PRTN3: variants seen among roughly 807,000 people sequenced by gnomAD.
PRTN3 encodes the protein myeloblastin.
PRTN3 carries 22 observed loss-of-function variants against 20.7 expected under a neutral mutation model. The ratio of observed to expected loss-of-function variants is 1.06; its 90% CI spans 0.76 to 1.52. PRTN3 has a LOEUF of 1.52. PRTN3 is among the 40% of genes most tolerant of loss of function. The pLI, the probability that PRTN3 is intolerant of heterozygous loss-of-function variation, is 0.00. For missense variants in PRTN3, 378 were observed against 359.6 expected (o/e 1.05, Z -0.41); for synonymous variants, 173 against 152.9 (o/e 1.13, Z -0.97).
At chr19:845,877 T>C (rs1222510880) in intron 3 of PRTN3, among the ~76,000 whole-genome samples, 2 of 151,250 alleles carry the variant, frequency 1.3e-5, no homozygotes, top group Admixed American at 6.6e-5. Flanking sequence ...ATGGGATGGC[T>C]CCGGGAGGTT....
At chr19:841,421 T>G (rs1316811192) in intron 1 of PRTN3, among the ~76,000 whole-genome samples, 1 of 152,002 alleles carries the variant, frequency 6.6e-6, no homozygotes, top group Non-Finnish European at 1.5e-5. Flanking sequence ...AATGAGTGAA[T>G]GAATGAGTGA....
rs1333833594 is a variant in PRTN3, at chr19:847,987, G to C, written c.*18G>C. 1.3e-6 allele frequency: 2 copies of C among 1,584,826 alleles called. No individual in the cohort carries two copies. The highest frequency in any genetic ancestry group is 1.7e-6 in the Non-Finnish European group (2 of 1,166,790). ...GCCCCTGAACCGCCCCTCCCACAGCGCTGGCCGGGACCCCGAGCCTGGCTC... is the reference window on the plus strand; with the variant it reads ...GCCCCTGAACCGCCCCTCCCACAGCCCTGGCCGGGACCCCGAGCCTGGCTC... On this transcript the variant is annotated 3_prime_UTR_variant, in exon 5 of 5. Transcript: ENST00000234347.
chr19:847,936 G>A lies in PRTN3; in HGVS notation c.738G>A (p.Thr246=), dbSNP rs376164578. 4.9e-5 allele frequency: 78 copies of A among 1,605,752 alleles called. No individual in the cohort carries two copies. The highest frequency in any genetic ancestry group is 1.1e-4 in the African/African-American group (8 of 74,838). ...TCTACGTGGACTGGATCCGTTCCACGCTGCGCCGTGTGGAGGCCAAGGGCC... is the reference window on the plus strand; with the variant it reads ...TCTACGTGGACTGGATCCGTTCCACACTGCGCCGTGTGGAGGCCAAGGGCC... ...VALYVDWIRS[T]LRRVEAKGRP The change falls in exon 5 of 5, where the codon ACG becomes ACA. Residue 246 remains threonine, a synonymous_variant. Coordinates refer to ENST00000234347, the MANE Select transcript of PRTN3 (RefSeq NM_002777.4).
chr19:844,834 G>A (rs569918751), intron 3 of PRTN3, among the ~76,000 whole-genome samples: 1 of 152,158 alleles, frequency 6.6e-6, no homozygotes, highest in East Asian at 1.9e-4. Flanking sequence ...GGGCACTGTG[G>A]CTCACGCCTG....
At chr19:841,564 GTGAA>G (rs1233891055) in intron 1 of PRTN3, among the ~76,000 whole-genome samples, 3 of 57,390 alleles carry the variant, frequency 5.2e-5, no homozygotes, top group African/African-American at 1.3e-4. Flanking sequence ...GAGTGAATGA[GTGAA>G]TGAATGAGTG....
chr19:844,119 C>A (rs1599283036), intron 3 of PRTN3, 85 bp downstream of exon 3: 1 of 1,485,578 alleles, frequency 6.7e-7, no homozygotes, highest in East Asian at 2.4e-5. Flanking sequence ...ATTCATTGAG[C>A]ACCCACTGTA....
chr19:843,446 A>G lies in PRTN3; in HGVS notation c.62-15A>G. On this transcript the variant is annotated splice_polypyrimidine_tract_variant and intron_variant, in intron 1 of 4. Coordinates refer to ENST00000234347, the MANE Select transcript of PRTN3 (RefSeq NM_002777.4). ...AGCCTGGGGGCTCCCTGACGCCTGG[A>G]CTCCCCCCCTGCAGGTGCTGCCCGA... 1 of 1,540,470 alleles carries G rather than the reference A, an allele frequency of 6.5e-7. No homozygotes were observed. Among genetic ancestry groups the G allele is most frequent in the Non-Finnish European group, 8.7e-7 (1 of 1,148,310 alleles).
At position 843,782 on chromosome 19, in the gene PRTN3, G is replaced by T. The variant is rs543983255; in HGVS notation, c.228-111G>T. Reference sequence around the variant, plus strand: ...GGGCAGTTCTGGGGGGAGGCCCGGGGCAGGGTCGCCGAGGGAGGGGTCTGG... The same window carrying T: ...GGGCAGTTCTGGGGGGAGGCCCGGGTCAGGGTCGCCGAGGGAGGGGTCTGG... On this transcript the variant is annotated intron_variant, in intron 2 of 4. Coordinates refer to ENST00000234347, the MANE Select transcript of PRTN3 (RefSeq NM_002777.4). 9.4e-5 allele frequency: 137 copies of T among 1,455,368 alleles called. 1 individual carries two copies. In the East Asian group the frequency reaches 1.7e-3, roughly 18 times the overall value. The allele number at this position is 1,455,368 out of a possible 1,614,324, so 90.2% of individuals were successfully genotyped here.
At chr19:844,637 T>TC (rs2035494110) in intron 3 of PRTN3, among the ~76,000 whole-genome samples, 1 of 150,012 alleles carries the variant, frequency 6.7e-6, no homozygotes, top group East Asian at 2.0e-4. Context: ...GCCACAGCCC[T>TC]CCCCGATTCA....
rs143024178 is a variant in PRTN3, at chr19:846,347, C to T, written c.570C>T (p.Phe190=). 1.4e-4 allele frequency: 222 copies of T among 1,568,428 alleles called. No homozygotes were observed. In the African/African-American group the frequency reaches 1.4e-3, roughly 10 times the overall value. Residue 190 remains phenylalanine, a synonymous_variant, in exon 4 of 5, where the codon TTC becomes TTT. Transcript: ENST00000234347. ...GCCGGCCACATAACATTTGCACTTT[C>T]GTCCCTCGCCGCAAGGCCGGCATCT... ...FFCRPHNICT[F]VPRRKAGICF... is the part of the protein sequence containing the mutation.
At chr19:841,279 C>T (rs1000024445) in intron 1 of PRTN3, among the ~76,000 whole-genome samples, 1 of 152,222 alleles carries the variant, frequency 6.6e-6, no homozygotes, top group Non-Finnish European at 1.5e-5. Flanking sequence ...GACTCAGTTG[C>T]CTATCTGTAA....
At chr19:842,264 G>A (rs1198004706) in intron 1 of PRTN3, among the ~76,000 whole-genome samples, 4 of 151,114 alleles carry the variant, frequency 2.6e-5, no homozygotes, top group African/African-American at 9.7e-5. Flanking sequence ...GACCTGAGGG[G>A]GATTTTCAAT....
intron 1 of PRTN3, among the ~76,000 whole-genome samples, chr19:842,586 ATTTT>A (rs71174326): frequency 3.1e-5 from 2 of 65,476 alleles, no homozygotes; most frequent in East Asian, 6.8e-4. Flanking sequence ...CACCTGGCTA[ATTTT>A]TTTTTTTTTT....
chr19:841,040 C>A lies in PRTN3; in HGVS notation c.32C>A (p.Ala11Glu), dbSNP rs551079189. 60 of 1,608,108 alleles carry A rather than the reference C, an allele frequency of 3.7e-5. No individual in the cohort carries two copies. In the Admixed American group the frequency reaches 9.3e-4, roughly 25 times the overall value. The change falls in exon 1 of 5, where the codon GCG (alanine) becomes GAG (glutamate). Residue 11 changes from alanine (A) to glutamate (E), a missense_variant. Transcript: ENST00000234347. ...CACCGGCCCCCCAGCCCTGCCCTGG[C>A]GTCCGTGCTGCTGGCCTTGCTGCTG... is the stretch of plus-strand genomic sequence containing the variant. MAHRPPSPAL[A>E]SVLLALLLSG...
rs1181733496 is a variant in PRTN3 at position 848,147 on chromosome 19, A to G, written c.*178A>G. 1.4e-6 allele frequency: 1 copy of G among 716,186 alleles called. No individual in the cohort carries two copies. 44.4% of individuals were successfully genotyped at this position (716,186 alleles called of 1,614,324 possible). A position where few individuals can be genotyped will look rare whatever the true frequency, so the allele number is the denominator to read the frequency against. On this transcript the variant is annotated 3_prime_UTR_variant, in exon 5 of 5. Coordinates refer to ENST00000234347, the MANE Select transcript of PRTN3 (RefSeq NM_002777.4). ...ACAGGCCGGCCCTGCACCTCACCCC[A>G]CCGTGACCTCAATAAACGTTGAAAC...
At position 844,167 on chromosome 19, in the gene PRTN3, A is replaced by G. The variant is rs145568048; in HGVS notation, c.369+133A>G. 3,855 of 1,234,244 alleles carry G rather than the reference A, an allele frequency of 3.1e-3. 127 individuals carry two copies. The African/African-American group carries it at 0.054, about 17-fold the overall frequency. The allele number at this position is 1,234,244 out of a possible 1,614,324, so 76.5% of individuals were successfully genotyped here. Reference sequence around the variant, plus strand: ...ACCGAGGCCGCTGCAGCCTGGGTCCAGTGGCACTGGCCGGGGGAGACCGCT... The same window carrying G: ...ACCGAGGCCGCTGCAGCCTGGGTCCGGTGGCACTGGCCGGGGGAGACCGCT... On this transcript the variant is annotated intron_variant, in intron 3 of 4. Transcript: ENST00000234347.
intron 1 of PRTN3, 60 bp downstream of exon 1, chr19:841,129 A>T: frequency 6.4e-7 from 1 of 1,571,492 alleles, no homozygotes; most frequent in Non-Finnish European, 8.6e-7. Flanking sequence ...GTGGGGAAAT[A>T]TCCACCACGA....
intron 1 of PRTN3, among the ~76,000 whole-genome samples, chr19:843,018 G>C (rs565728984): frequency 6.6e-6 from 1 of 152,134 alleles, no homozygotes; most frequent in Non-Finnish European, 1.5e-5. Context: ...GGGCTCAAGC[G>C]ATCCTCCCTC....
chr19:847,993 C>T lies in PRTN3; in HGVS notation c.*24C>T, dbSNP rs12985970. ...GAACCGCCCCTCCCACAGCGCTGGC[C>T]GGGACCCCGAGCCTGGCTCCAAACC... On this transcript the variant is annotated 3_prime_UTR_variant, in exon 5 of 5. Transcript: ENST00000234347. 6.7e-3 allele frequency: 10,561 copies of T among 1,579,094 alleles called. 48 individuals are homozygous for T. The highest frequency in any genetic ancestry group is 8.4e-3 in the Non-Finnish European group (9,805 of 1,163,924).
Sources: gnomAD v4.1 joint callset for allele counts (sites outside exome capture counted in the v4.1 genomes callset) on GRCh38, gnomAD v4.1.1 for gene constraint, MANE v1.5 for transcripts, NCBI Gene and HGNC (gene_info 2026-07-23, HGNC 2026-07-21) for gene names.